Variants in LRRC49 observed in about 807,000 individuals in gnomAD.
LRRC49 encodes the protein leucine-rich repeat-containing protein 49.
A neutral mutation model predicts 83.3 loss-of-function variants in LRRC49; 50 were observed. The ratio of observed to expected loss-of-function variants is 0.60; its 90% CI spans 0.48 to 0.76. The LOEUF (loss-of-function observed/expected upper bound fraction) is 0.76, where lower values mean the gene tolerates loss of function less well. Among genes scored for constraint, LRRC49 ranks in the 30% least tolerant of loss-of-function variants. The pLI, the probability that LRRC49 is intolerant of heterozygous loss-of-function variation, is 0.00. For synonymous variants in LRRC49, 286 were observed against 283.3 expected (o/e 1.01, Z -0.10); for missense variants, 704 against 809.1 (o/e 0.87, Z 1.58).
At chr15:70,965,094 T>C (rs2036749097) in intron 9 of LRRC49, among the ~76,000 whole-genome samples, 1 of 152,184 alleles carries the variant, frequency 6.6e-6, no homozygotes, top group East Asian at 1.9e-4. Context: ...TTTCATATTT[T>C]TGTGGTGACT....
At chr15:71,026,984 T>C (rs993400676) in intron 14 of LRRC49, among the ~76,000 whole-genome samples, 8 of 152,230 alleles carry the variant, frequency 5.3e-5, no homozygotes, top group African/African-American at 1.9e-4. Flanking sequence ...TTGTTGCCAT[T>C]GCTTTTCATG....
chr15:70,857,830 A>C (rs1216999842), intron 1 of LRRC49, among the ~76,000 whole-genome samples: 1 of 152,234 alleles, frequency 6.6e-6, no homozygotes, highest in East Asian at 1.9e-4. Context: ...CGCTCACTTT[A>C]TTATCAAATA....
At chr15:70,860,246 G>A in intron 1 of LRRC49, 1 of 603,666 alleles carries the variant, frequency 1.7e-6, no homozygotes, top group Non-Finnish European at 2.9e-6. Context: ...GGTATCACAG[G>A]GAACAGGAGA....
At chr15:70,918,949 C>A in intron 6 of LRRC49, 101 bp from the exon 7 acceptor site, 1 of 928,574 alleles carries the variant, frequency 1.1e-6, no homozygotes, top group Non-Finnish European at 1.6e-6. Flanking sequence ...AAACTTGCCA[C>A]TAAATCTAGT....
At chr15:71,039,206 T>C (rs2039623891) in intron 15 of LRRC49, among the ~76,000 whole-genome samples, 4 of 152,118 alleles carry the variant, frequency 2.6e-5, no homozygotes, top group African/African-American at 9.7e-5. Context: ...AGGTCATTGT[T>C]GTGGAAGTTC....
intron 8 of LRRC49, among the ~76,000 whole-genome samples, chr15:70,951,023 C>T (rs2036197785): frequency 6.6e-6 from 1 of 152,068 alleles, no homozygotes; most frequent in Non-Finnish European, 1.5e-5. Flanking sequence ...GAAATACTTT[C>T]CCCATTGTTT....
In LRRC49 at chr15:70,916,600, G is replaced by A. The variant is rs538389801; in HGVS notation, c.568-2450G>A. ...GTGAGCTACCGCGCCTGGCCTCAGT[G>A]CTGATTATTAACGGCAGCAGCAGGC... On this transcript the variant is annotated intron_variant, in intron 6 of 15. Coordinates refer to ENST00000260382, the MANE Select transcript of LRRC49 (RefSeq NM_017691.5). 3.9e-5 allele frequency among the ~76,000 whole-genome samples: 6 copies of A among 152,306 alleles called. No homozygotes were observed. The South Asian group carries it at 6.2e-4, about 16-fold the overall frequency.
At chr15:71,004,463 A>G (rs2038381579) in intron 11 of LRRC49, among the ~76,000 whole-genome samples, 1 of 152,088 alleles carries the variant, frequency 6.6e-6, no homozygotes, top group Admixed American at 6.6e-5. Flanking sequence ...CAGCCTGGCC[A>G]ACATGGTGAA....
chr15:70,905,257 A>T (rs181531941), intron 5 of LRRC49, among the ~76,000 whole-genome samples: 1 of 152,362 alleles, frequency 6.6e-6, no homozygotes, highest in East Asian at 1.9e-4. Context: ...GTGCAACTAT[A>T]CAGTTCTTGA....
intron 14 of LRRC49, among the ~76,000 whole-genome samples, chr15:71,025,718 A>AC (rs201124325): frequency 6.6e-6 from 1 of 151,562 alleles, no homozygotes; most frequent in African/African-American, 2.4e-5. Context: ...AAAAAAAAAA[A>AC]CAGGGGTTGC....
intron 10 of LRRC49, among the ~76,000 whole-genome samples, chr15:70,980,643 A>G (rs973127332): frequency 2.0e-5 from 3 of 151,748 alleles, no homozygotes; most frequent in Admixed American, 2.0e-4. Flanking sequence ...GATTTTGTGG[A>G]ACTTAGGAAT....
At chr15:71,048,045 G>A (rs930307415) in intron 15 of LRRC49, among the ~76,000 whole-genome samples, 2 of 151,448 alleles carry the variant, frequency 1.3e-5, no homozygotes, top group African/African-American at 4.9e-5. Context: ...CAAAGTGCTG[G>A]GATTACAGGT....
intron 3 of LRRC49, among the ~76,000 whole-genome samples, chr15:70,898,938 C>A (rs762269583): frequency 6.6e-6 from 1 of 151,994 alleles, no homozygotes; most frequent in African/African-American, 2.4e-5. Flanking sequence ...ATTTTAACTG[C>A]GGATCTCTCT....
intron 11 of LRRC49, among the ~76,000 whole-genome samples, chr15:70,998,132 G>A (rs964501177): frequency 2.6e-5 from 4 of 151,906 alleles, no homozygotes; most frequent in Admixed American, 6.6e-5. Flanking sequence ...CAGAAATTAC[G>A]TCTTTAAACA....
chr15:70,969,021 C>T (rs2036895033), intron 9 of LRRC49, among the ~76,000 whole-genome samples: 3 of 152,134 alleles, frequency 2.0e-5, no homozygotes, highest in South Asian at 2.1e-4. Context: ...CTTTTGTTAC[C>T]GTTGCTTTTG....
chr15:71,040,330 C>T (rs1167066668), intron 15 of LRRC49, among the ~76,000 whole-genome samples: 1 of 152,086 alleles, frequency 6.6e-6, no homozygotes, highest in Non-Finnish European at 1.5e-5. Flanking sequence ...GATCCCCACA[C>T]CCCAGTATCC....
intron 7 of LRRC49, among the ~76,000 whole-genome samples, chr15:70,934,028 C>T (rs1439217270): frequency 1.3e-5 from 2 of 152,136 alleles, no homozygotes; most frequent in Non-Finnish European, 2.9e-5. Context: ...TCTAGAGCCT[C>T]CTGTCCCCTG....
chr15:70,956,516 A>C (rs989315561), intron 8 of LRRC49, among the ~76,000 whole-genome samples: 4 of 151,640 alleles, frequency 2.6e-5, no homozygotes, highest in African/African-American at 7.3e-5. Context: ...AAAAAAAAAA[A>C]AGGTGGGGTG....
At chr15:70,983,802 T>C (rs2141226434) in intron 10 of LRRC49, among the ~76,000 whole-genome samples, 1 of 152,302 alleles carries the variant, frequency 6.6e-6, no homozygotes, top group East Asian at 1.9e-4. Flanking sequence ...AGATTTTGAA[T>C]TTTTAATCTC....
Sources: allele counts gnomAD v4.1 joint callset (sites outside exome capture counted in the v4.1 genomes callset), GRCh38; gene constraint gnomAD v4.1.1; transcripts MANE v1.5; gene names NCBI Gene and HGNC (gene_info 2026-07-23, HGNC 2026-07-21).